Variants in NELL1 observed in about 807,000 individuals in gnomAD.
The protein encoded by NELL1 is neural EGFL like 1, also known as protein kinase C-binding protein NELL1.
A neutral mutation model predicts 107.4 loss-of-function variants in NELL1; 76 were observed. That is an observed-to-expected ratio of 0.71 (90% CI 0.59 to 0.86). The LOEUF (loss-of-function observed/expected upper bound fraction) is 0.86, where lower values mean the gene tolerates loss of function less well. NELL1 is among the 40% of genes least tolerant of loss of function. The pLI is 0.00. For synonymous variants in NELL1, 353 were observed against 341.2 expected (o/e 1.03, Z -0.38); for missense variants, 1,024 against 1,005.5 (o/e 1.02, Z -0.25).
chr11:21,135,913 G>A (rs1215710455), intron 13 of NELL1, among the ~76,000 whole-genome samples: 1 of 152,134 alleles, frequency 6.6e-6, no homozygotes, highest in Non-Finnish European at 1.5e-5. Context: ...ATCTGAAACT[G>A]TTTCTGTATT....
intron 13 of NELL1, among the ~76,000 whole-genome samples, chr11:21,160,290 G>A (rs1856333774): frequency 1.3e-5 from 2 of 152,168 alleles, no homozygotes; most frequent in African/African-American, 2.4e-5. Context: ...TTCATCATTT[G>A]AAGACATTTT....
intron 16 of NELL1, among the ~76,000 whole-genome samples, chr11:21,551,895 C>T (rs1447550274): frequency 6.7e-6 from 1 of 148,320 alleles, no homozygotes; most frequent in Non-Finnish European, 1.5e-5. Context: ...CCCAAATGTC[C>T]AACAATGATA....
chr11:20,669,914 CTT>C lies in NELL1; in HGVS notation c.55+138_55+139del. On this transcript the variant is annotated intron_variant, in intron 1 of 19. Coordinates refer to ENST00000357134, the MANE Select transcript of NELL1 (RefSeq NM_006157.5). This position sits in a 1 kb window ranked among gnomAD's most constrained non-coding sequence, Gnocchi z 4.4. ...TAGCGTGGACCGGTTCCTGGGATCTCTTTGCCCTGCTCGGAGTGACAGGGTGA... is the reference window on the plus strand; with the variant it reads ...TAGCGTGGACCGGTTCCTGGGATCTCTGCCCTGCTCGGAGTGACAGGGTGA... The C allele has an allele frequency of 2.8e-6, 2 of 719,186 alleles. No homozygotes were observed. Among genetic ancestry groups the C allele is most frequent in the South Asian group, 3.2e-5 (2 of 62,806 alleles). 44.6% of individuals were successfully genotyped at this position (719,186 alleles called of 1,614,324 possible). A position where few individuals can be genotyped will look rare whatever the true frequency, so the allele number is the denominator to read the frequency against.
At chr11:20,936,641 T>C (rs906882733) in intron 9 of NELL1, among the ~76,000 whole-genome samples, 3 of 152,030 alleles carry the variant, frequency 2.0e-5, no homozygotes, top group African/African-American at 7.3e-5. Flanking sequence ...GATGTTATTA[T>C]GTAATTACTG....
chr11:21,284,074 T>A, intron 14 of NELL1: 1 of 373,234 alleles, frequency 2.7e-6, no homozygotes, highest in East Asian at 7.3e-5. Flanking sequence ...CTGCCTCACA[T>A]GAAGAGGAAA....
intron 14 of NELL1, among the ~76,000 whole-genome samples, chr11:21,286,954 C>A (rs1849135141): frequency 6.6e-6 from 1 of 152,082 alleles, no homozygotes; most frequent in African/African-American, 2.4e-5. Context: ...ACTGTACCTG[C>A]CTTATAGGGT....
chr11:21,521,438 C>G (rs548171544), intron 15 of NELL1, among the ~76,000 whole-genome samples: 1 of 152,044 alleles, frequency 6.6e-6, no homozygotes, highest in African/African-American at 2.4e-5. Context: ...ACATTCCACA[C>G]GCACTTGTAA....
At chr11:20,740,461 A>T (rs1485213904) in intron 2 of NELL1, among the ~76,000 whole-genome samples, 1 of 152,156 alleles carries the variant, frequency 6.6e-6, no homozygotes, top group Non-Finnish European at 1.5e-5. Context: ...AAACCTGAAG[A>T]ATCCTGAAGC....
At chr11:20,991,489 T>C (rs1010255458) in intron 12 of NELL1, among the ~76,000 whole-genome samples, 1 of 152,214 alleles carries the variant, frequency 6.6e-6, no homozygotes, top group African/African-American at 2.4e-5. Flanking sequence ...GGCCCTGCCA[T>C]AGGCAAGTCA....
chr11:20,783,583 C>A, intron 2 of NELL1, 97 bp from the exon 3 acceptor site: 1 of 788,582 alleles, frequency 1.3e-6, no homozygotes, highest in Non-Finnish European at 1.9e-6. Context: ...TCTTCCTTCT[C>A]ATCTCCCCTC....
At chr11:21,360,768 T>C (rs2133736990) in intron 14 of NELL1, among the ~76,000 whole-genome samples, 1 of 152,318 alleles carries the variant, frequency 6.6e-6, no homozygotes, top group East Asian at 1.9e-4. Flanking sequence ...CTGTTTTGTC[T>C]GACATAATAA....
chr11:21,096,477 A>G (rs1413153275), intron 12 of NELL1, among the ~76,000 whole-genome samples: 1 of 152,118 alleles, frequency 6.6e-6, no homozygotes, highest in Non-Finnish European at 1.5e-5. Flanking sequence ...TTCCTTCCTC[A>G]TACAAAACCC....
At chr11:20,764,635 C>T (rs547409658) in intron 2 of NELL1, among the ~76,000 whole-genome samples, 53 of 146,528 alleles carry the variant, frequency 3.6e-4, no homozygotes, top group African/African-American at 1.2e-3. Flanking sequence ...TTGAGTCTCT[C>T]AGGGTGCAGA....
intron 2 of NELL1, among the ~76,000 whole-genome samples, chr11:20,726,491 G>A (rs982995745): frequency 6.6e-6 from 1 of 151,728 alleles, no homozygotes; most frequent in African/African-American, 2.4e-5. Context: ...GTTTTGCATA[G>A]TATTGAACTT....
At chr11:20,774,004 C>A (rs893035853) in intron 2 of NELL1, among the ~76,000 whole-genome samples, 2 of 144,884 alleles carry the variant, frequency 1.4e-5, no homozygotes, top group Non-Finnish European at 1.5e-5. Flanking sequence ...CTCTCCTTTC[C>A]TTCCCTCCGT....
At chr11:21,502,897 T>C (rs1855178969) in intron 15 of NELL1, among the ~76,000 whole-genome samples, 1 of 152,208 alleles carries the variant, frequency 6.6e-6, no homozygotes, top group Admixed American at 6.5e-5. Flanking sequence ...TATTTACTTT[T>C]TTGAGATGGA....
intron 9 of NELL1, among the ~76,000 whole-genome samples, chr11:20,931,974 G>A (rs1324013372): frequency 6.6e-6 from 1 of 152,126 alleles, no homozygotes; most frequent in African/African-American, 2.4e-5. Context: ...CTCACTCACT[G>A]AGTGTTCACG....
At chr11:21,072,861 A>G (rs1055227401) in intron 12 of NELL1, among the ~76,000 whole-genome samples, 2 of 152,198 alleles carry the variant, frequency 1.3e-5, no homozygotes, top group Non-Finnish European at 2.9e-5. Flanking sequence ...GCCATTAGCC[A>G]TATGTGTACA....
chr11:21,174,942 A>G (rs1484504279), intron 13 of NELL1, among the ~76,000 whole-genome samples: 1 of 151,708 alleles, frequency 6.6e-6, no homozygotes, highest in African/African-American at 2.4e-5. Context: ...AGCACTCTAA[A>G]TTTCTGTACC....
Sources: allele counts gnomAD v4.1 joint callset (sites outside exome capture counted in the v4.1 genomes callset), GRCh38; gene constraint gnomAD v4.1.1; non-coding constraint Gnocchi (gnomAD v3.1); transcripts MANE v1.5; gene names NCBI Gene and HGNC (gene_info 2026-07-23, HGNC 2026-07-21).